The following PRMT8 variants were observed in gnomAD, a reference collection of about 807,000 sequenced individuals.
PRMT8 encodes the protein protein arginine methyltransferase 8.
In PRMT8, 7 loss-of-function variants were observed where a neutral mutation model predicts 47.1. The observed-to-expected ratio is 0.15, with a 90% confidence interval of 0.08 to 0.28. The LOEUF is 0.28. PRMT8 is among the 10% of genes least tolerant of loss of function. The pLI, the probability that PRMT8 is intolerant of heterozygous loss-of-function variation, is 1.00. For missense variants in PRMT8, 237 were observed against 505.4 expected, an observed-to-expected ratio of 0.47 and a Z score of 5.09; for synonymous variants, 188 against 186.5, an observed-to-expected ratio of 1.01 and a Z score of -0.07.
At chr12:3,549,823 T>G in intron 2 of PRMT8, 113 bp from the exon 3 acceptor site, 1 of 1,197,526 alleles carries the variant, frequency 8.4e-7, no homozygotes, top group Non-Finnish European at 1.2e-6. Context: ...TGCCTGATGA[T>G]ATTATCGGGT....
In PRMT8 at chr12:3,580,365, T is replaced by C. The variant is rs1867037293; in HGVS notation, c.829-2693T>C. Among the ~76,000 whole-genome samples, 1 of 151,616 alleles carries C rather than the reference T, an allele frequency of 6.6e-6. No individual in the cohort carries two copies. The highest frequency in any genetic ancestry group is 1.5e-5 in the Non-Finnish European group (1 of 67,932). On this transcript the variant is annotated intron_variant, in intron 7 of 9. Transcript: ENST00000382622. The surrounding 1 kb of genome is among the most constrained non-coding windows in gnomAD (Gnocchi z 4.6). ...GTGTGTGTGTGTGTGTGTGTGTGTG[T>C]GTACGCGTGCGCATGCGGGATAGAA...
chr12:3,490,333 C>A (rs1865366759), upstream of PRMT8, among the ~76,000 whole-genome samples: 1 of 152,136 alleles, frequency 6.6e-6, no homozygotes, highest in South Asian at 2.1e-4. Flanking sequence ...GAAAAAGAAG[C>A]TCTCAAAGTG....
intron 1 of PRMT8, among the ~76,000 whole-genome samples, chr12:3,445,032 AAGGGGAGATTTTG>A (rs1439699985): frequency 6.6e-6 from 1 of 152,228 alleles, no homozygotes. Flanking sequence ...GACTGGTAGG[AAGGGGAGATTTTG>A]AGTGAAGCAT....
chr12:3,539,219 T>A (rs1866176219), intron 1 of PRMT8, among the ~76,000 whole-genome samples: 1 of 152,226 alleles, frequency 6.6e-6, no homozygotes, highest in Admixed American at 6.5e-5. Flanking sequence ...TCTTTCCATA[T>A]ATCAACTCCT....
chr12:3,572,434 G>T lies in PRMT8; in HGVS notation c.712+2870G>T, dbSNP rs1866862839. 6.6e-6 allele frequency among the ~76,000 whole-genome samples: 1 copy of T among 151,938 alleles called. No homozygotes were observed. On this transcript the variant is annotated intron_variant, in intron 6 of 9. Coordinates refer to ENST00000382622, the MANE Select transcript of PRMT8 (RefSeq NM_019854.5). This position sits in a 1 kb window ranked among gnomAD's most constrained non-coding sequence, Gnocchi z 5.9. The stretch of plus-strand genomic sequence containing the variant: ...GCACAACCCATGAATTGTACCCAGT[G>T]CATGAATCTACACCCTGCTGAGAAT...
At chr12:3,585,328 C>T (rs967539423) in intron 8 of PRMT8, among the ~76,000 whole-genome samples, 8 of 144,010 alleles carry the variant, frequency 5.6e-5, no homozygotes, top group Non-Finnish European at 1.2e-4. Flanking sequence ...CTTCCAGAAG[C>T]CATGAAGAAA....
At chr12:3,489,807 TCA>T (rs59257723), upstream of PRMT8, among the ~76,000 whole-genome samples, 6,154 of 144,034 alleles carry the variant, frequency 0.043, 336 homozygotes, top group African/African-American at 0.13. Context: ...ATTCAAGTTT[TCA>T]CACACACACA....
chr12:3,540,743 C>T lies in PRMT8; in HGVS notation c.213C>T (p.Thr71=), dbSNP rs1866213533. 3 of 1,614,026 alleles carry T rather than the reference C, an allele frequency of 1.9e-6. No homozygotes were observed. The African/African-American group carries it at 4.0e-5, about 22-fold the overall frequency. The change falls in exon 2 of 10, where the codon ACC becomes ACT. Residue 71 remains threonine, a synonymous_variant. Transcript: ENST00000382622. ...AGCTGCTGAACCCAGAGGAGATGAC[C>T]TCGAGAGATTATTACTTCGACTCCT... ...MSKLLNPEEM[T]SRDYYFDSYA...
chr12:3,461,512 C>T (rs1031067808), intron 1 of PRMT8, among the ~76,000 whole-genome samples: 1 of 152,236 alleles, frequency 6.6e-6, no homozygotes, highest in Admixed American at 6.5e-5. Flanking sequence ...CCAGCATCCT[C>T]AGCTCAAATA....
At chr12:3,411,891 C>T (rs559953737) in intron 1 of PRMT8, among the ~76,000 whole-genome samples, 4 of 152,248 alleles carry the variant, frequency 2.6e-5, no homozygotes, top group African/African-American at 4.8e-5. Context: ...ATGAATGACC[C>T]GGTCTCAGCT....
In PRMT8 at chr12:3,580,479, G is replaced by A. The variant is rs924438801; in HGVS notation, c.829-2579G>A. On this transcript the variant is annotated intron_variant, in intron 7 of 9. Coordinates refer to ENST00000382622, the MANE Select transcript of PRMT8 (RefSeq NM_019854.5). This position sits in a 1 kb window ranked among gnomAD's most constrained non-coding sequence, Gnocchi z 4.6. The stretch of plus-strand genomic sequence containing the variant: ...ACTGACACAGTCTGGATGAACCTGA[G>A]TTACGAAAGAGGGGCCTAGGCAAAG... 1.1e-4 allele frequency among the ~76,000 whole-genome samples: 17 copies of A among 152,154 alleles called. No homozygotes were observed. Among genetic ancestry groups the A allele is most frequent in the African/African-American group, 4.1e-4 (17 of 41,428 alleles).
At chr12:3,391,024 G>A (rs1864187395) in intron 1 of PRMT8, among the ~76,000 whole-genome samples, 1 of 152,164 alleles carries the variant, frequency 6.6e-6, no homozygotes, top group Non-Finnish European at 1.5e-5. Context: ...TTCAGTTATG[G>A]GAACTAACTG....
chr12:3,517,015 A>G (rs1270910733), intron 1 of PRMT8, among the ~76,000 whole-genome samples: 1 of 152,164 alleles, frequency 6.6e-6, no homozygotes, highest in Non-Finnish European at 1.5e-5. Context: ...CCTAAAAACA[A>G]CAACAGCAAC....
At chr12:3,402,522 G>A (rs773878810) in intron 1 of PRMT8, among the ~76,000 whole-genome samples, 1 of 152,194 alleles carries the variant, frequency 6.6e-6, no homozygotes, top group African/African-American at 2.4e-5. Context: ...ACTATCATCA[G>A]AGTGAACAGA....
intron 1 of PRMT8, among the ~76,000 whole-genome samples, chr12:3,519,540 T>C (rs148122500): frequency 1.6e-3 from 242 of 151,998 alleles, no homozygotes; most frequent in African/African-American, 5.4e-3. Context: ...GAACAGTGGG[T>C]TGCCTATGGC....
chr12:3,544,409 T>TG (rs1400756282), intron 2 of PRMT8, among the ~76,000 whole-genome samples: 2 of 152,208 alleles, frequency 1.3e-5, no homozygotes, highest in South Asian at 2.1e-4. Flanking sequence ...GGGTGACCAC[T>TG]GGGGGGTCTC....
intron 1 of PRMT8, among the ~76,000 whole-genome samples, chr12:3,528,652 G>T (rs1173606863): frequency 6.6e-6 from 1 of 151,300 alleles, no homozygotes; most frequent in Non-Finnish European, 1.5e-5. Flanking sequence ...TTGTATGATT[G>T]ATTTTTTTTC....
intron 1 of PRMT8, among the ~76,000 whole-genome samples, chr12:3,431,097 A>G (rs2137068113): frequency 6.9e-6 from 1 of 143,922 alleles, no homozygotes; most frequent in East Asian, 1.9e-4. Flanking sequence ...CTTGTGTGTC[A>G]TGCTAAGGAA....
At chr12:3,435,614 C>T (rs1299071581) in intron 1 of PRMT8, among the ~76,000 whole-genome samples, 5 of 151,054 alleles carry the variant, frequency 3.3e-5, no homozygotes, top group South Asian at 2.1e-4. Context: ...CTCCGCCTCC[C>T]GGGTTCATGC....
Sources: gnomAD v4.1 joint callset for allele counts (sites outside exome capture counted in the v4.1 genomes callset) on GRCh38, gnomAD v4.1.1 for gene constraint, Gnocchi (gnomAD v3.1) non-coding constraint, MANE v1.5 for transcripts, NCBI Gene and HGNC (gene_info 2026-07-23, HGNC 2026-07-21) for gene names.